The following MAGI1 variants were observed in gnomAD, a reference collection of about 807,000 sequenced individuals.
MAGI1 encodes the protein membrane-associated guanylate kinase, WW and PDZ domain-containing protein 1.
Under a neutral mutation model 139.9 loss-of-function variants are expected in MAGI1, and 58 were observed. The observed-to-expected ratio is 0.41, with a 90% confidence interval of 0.34 to 0.52. MAGI1 has a LOEUF of 0.52. Among genes scored for constraint, MAGI1 ranks in the 20% least tolerant of loss-of-function variants. MAGI1 has a pLI of 0.12. For missense variants in MAGI1, 1,874 were observed against 1,901.6 expected, an observed-to-expected ratio of 0.99 and a Z score of 0.27; for synonymous variants, 812 against 737.9, an observed-to-expected ratio of 1.10 and a Z score of -1.63.
chr3:65,757,051 G>A (rs746816256), intron 1 of MAGI1, among the ~76,000 whole-genome samples: 8 of 150,284 alleles, frequency 5.3e-5, no homozygotes, highest in Non-Finnish European at 1.2e-4. Context: ...ACAGCTTTGG[G>A]TTGCTACCTC....
intron 1 of MAGI1, among the ~76,000 whole-genome samples, chr3:65,939,132 T>C (rs1158348542): frequency 3.9e-5 from 6 of 152,210 alleles, no homozygotes; most frequent in Admixed American, 2.0e-4. Context: ...GGATTATGCA[T>C]TAAATGGGCT....
intron 1 of MAGI1, among the ~76,000 whole-genome samples, chr3:65,668,552 C>CCTTTTTTTT (rs2086660827): frequency 6.9e-6 from 1 of 143,918 alleles, no homozygotes; most frequent in Non-Finnish European, 1.5e-5. Flanking sequence ...GCCATTTAGT[C>CCTTTTTTTT]CTTTTTTTTC....
intron 2 of MAGI1, among the ~76,000 whole-genome samples, chr3:65,529,144 G>C (rs1524973): frequency 0.35 from 53,205 of 151,528 alleles, 10,493 homozygotes; most frequent in East Asian, 0.69. Flanking sequence ...AAAAAAAAAG[G>C]CTTGGACTTT....
chr3:65,871,987 T>C (rs1185436388), intron 1 of MAGI1, among the ~76,000 whole-genome samples: 3 of 152,178 alleles, frequency 2.0e-5, no homozygotes, highest in Non-Finnish European at 4.4e-5. Flanking sequence ...TCTTCTGCAG[T>C]CAATACACTG....
chr3:65,428,912 T>C (rs1297401407), intron 12 of MAGI1, among the ~76,000 whole-genome samples: 1 of 151,978 alleles, frequency 6.6e-6, no homozygotes, highest in Admixed American at 6.6e-5. Flanking sequence ...GAAAGGACCA[T>C]TCCAGGCAGA....
At chr3:65,771,104 C>T (rs573021371) in intron 1 of MAGI1, among the ~76,000 whole-genome samples, 2 of 151,834 alleles carry the variant, frequency 1.3e-5, no homozygotes, top group South Asian at 4.2e-4. Flanking sequence ...GCCAGGAGTT[C>T]GAGACCAGCC....
chr3:65,898,567 T>A (rs72905044), intron 1 of MAGI1, among the ~76,000 whole-genome samples: 1 of 152,202 alleles, frequency 6.6e-6, no homozygotes, highest in Non-Finnish European at 1.5e-5. Flanking sequence ...AGTAAGTTCA[T>A]GGCTCCTTCA....
chr3:65,565,070 A>G (rs186047343), intron 2 of MAGI1, among the ~76,000 whole-genome samples: 1 of 152,322 alleles, frequency 6.6e-6, no homozygotes, highest in Non-Finnish European at 1.5e-5. Context: ...AGGCTCCAAA[A>G]CAAGCCTGCA....
At chr3:65,388,458 C>A (rs1479222162) in intron 14 of MAGI1, among the ~76,000 whole-genome samples, 1 of 152,004 alleles carries the variant, frequency 6.6e-6, no homozygotes, top group Non-Finnish European at 1.5e-5. Context: ...TCTAACAAGG[C>A]TATACACTTT....
At chr3:65,797,052 C>T (rs1321724400) in intron 1 of MAGI1, among the ~76,000 whole-genome samples, 1 of 152,136 alleles carries the variant, frequency 6.6e-6, no homozygotes, top group Non-Finnish European at 1.5e-5. Context: ...ATCCAGAAAA[C>T]CTTAGCTATG....
chr3:65,503,223 C>G (rs2077154427), intron 2 of MAGI1, among the ~76,000 whole-genome samples: 1 of 152,164 alleles, frequency 6.6e-6, no homozygotes, highest in African/African-American at 2.4e-5. Flanking sequence ...AGAGACTTGA[C>G]TGATTGTCAT....
At position 65,447,793 on chromosome 3, in the gene MAGI1, T is replaced by C. The variant is rs150862996; in HGVS notation, c.1078+229A>G. ...TTGCTAACTCTCGTTCTAGTCTCTG[T>C]TCAGTCAGACATTTTCTTTGTAAAC... On this transcript the variant is annotated intron_variant, in intron 7 of 22. Transcript: ENST00000402939. 2.0e-4 allele frequency among the ~76,000 whole-genome samples: 31 copies of C among 152,338 alleles called. No homozygotes were observed. The East Asian group carries it at 6.0e-3, about 29-fold the overall frequency.
At chr3:65,723,568 T>C (rs1275102653) in intron 1 of MAGI1, among the ~76,000 whole-genome samples, 1 of 152,162 alleles carries the variant, frequency 6.6e-6, no homozygotes, top group Non-Finnish European at 1.5e-5. Context: ...TCCCTGCTCA[T>C]GGTGTTTGTC....
At chr3:65,905,120 G>A (rs1388158595) in intron 1 of MAGI1, among the ~76,000 whole-genome samples, 1 of 152,120 alleles carries the variant, frequency 6.6e-6, no homozygotes, top group Admixed American at 6.5e-5. Context: ...CCAAGATTCT[G>A]ATTTAATTGA....
chr3:65,989,371 A>T (rs1033544014), intron 1 of MAGI1, among the ~76,000 whole-genome samples: 42 of 152,190 alleles, frequency 2.8e-4, no homozygotes, highest in Non-Finnish European at 4.0e-4. Context: ...ATTTTGATTT[A>T]ATCAGTGAAG....
chr3:65,846,976 C>CA (rs58391331), intron 1 of MAGI1, among the ~76,000 whole-genome samples: 11,863 of 80,844 alleles, frequency 0.15, 964 homozygotes, highest in Non-Finnish European at 0.19. Flanking sequence ...CAATGTCTTA[C>CA]AAAAAAAAAA....
intron 3 of MAGI1, among the ~76,000 whole-genome samples, chr3:65,483,906 T>C (rs1951454242): frequency 6.6e-6 from 1 of 152,220 alleles, no homozygotes; most frequent in Non-Finnish European, 1.5e-5. Context: ...TTTTAGGGCT[T>C]TATAAAATAT....
chr3:65,399,390 C>CACTGATCACAGATGTTAT (rs1944669530), intron 13 of MAGI1, among the ~76,000 whole-genome samples: 1 of 152,198 alleles, frequency 6.6e-6, no homozygotes. Context: ...ACAGAACTCT[C>CACTGATCACAGATGTTAT]ACTGATCACA....
chr3:65,578,906 G>A (rs1475839936), intron 2 of MAGI1, among the ~76,000 whole-genome samples: 6 of 148,736 alleles, frequency 4.0e-5, no homozygotes. Flanking sequence ...GGGTGACAGA[G>A]TAACACTCTG....
Sources: allele counts gnomAD v4.1 joint callset (sites outside exome capture counted in the v4.1 genomes callset), GRCh38; gene constraint gnomAD v4.1.1; transcripts MANE v1.5; gene names NCBI Gene and HGNC (gene_info 2026-07-23, HGNC 2026-07-21).